Variants in RAI14 observed in about 807,000 individuals in gnomAD.
RAI14 encodes ankycorbin.
Under a neutral mutation model 115.4 loss-of-function variants are expected in RAI14, and 45 were observed. That is an observed-to-expected ratio of 0.39 (90% CI 0.31 to 0.50). RAI14 has a LOEUF of 0.50. RAI14 is among the 20% of genes least tolerant of loss of function. The probability of loss-of-function intolerance (pLI) is 0.85; values close to 1 mark genes in which losing one functional copy is unlikely to be tolerated. For missense variants in RAI14, 939 were observed against 1,131.2 expected (o/e 0.83, Z 2.44); for synonymous variants, 371 against 415.4 (o/e 0.89, Z 1.30).
rs570375493 is a variant in RAI14, at chr5:34,691,650, A to G, written c.36+4695A>G. Reference sequence around the variant, plus strand: ...GGAAATGGGGTTGAAAGATCTTTGTAACACATCTTGAGAAATGCCACTCAA... The same window carrying G: ...GGAAATGGGGTTGAAAGATCTTTGTGACACATCTTGAGAAATGCCACTCAA... On this transcript the variant is annotated intron_variant, in intron 2 of 17. Coordinates refer to ENST00000265109, the MANE Select transcript of RAI14 (RefSeq NM_015577.3). Among the ~76,000 whole-genome samples the G allele has an allele frequency of 1.1e-4, 16 of 152,312 alleles. 1 individual carries two copies. The South Asian group carries it at 3.1e-3, about 30-fold the overall frequency.
intron 2 of RAI14, among the ~76,000 whole-genome samples, chr5:34,689,681 T>C (rs1738325686): frequency 6.6e-6 from 1 of 152,128 alleles, no homozygotes; most frequent in Non-Finnish European, 1.5e-5. Flanking sequence ...GAGACCACCC[T>C]GGCCAACATG....
At chr5:34,695,114 G>A (rs1370956825) in intron 2 of RAI14, among the ~76,000 whole-genome samples, 3 of 152,098 alleles carry the variant, frequency 2.0e-5, no homozygotes, top group Non-Finnish European at 4.4e-5. Context: ...TGCCCAGGCT[G>A]GTCCTGAACT....
intron 2 of RAI14, among the ~76,000 whole-genome samples, chr5:34,726,568 A>G (rs961799154): frequency 6.6e-6 from 1 of 152,156 alleles, no homozygotes; most frequent in African/African-American, 2.4e-5. Context: ...TTGGATGGGG[A>G]CACAGAGCCA....
intron 1 of RAI14, among the ~76,000 whole-genome samples, chr5:34,664,345 A>G (rs367637412): frequency 6.7e-6 from 1 of 150,346 alleles, no homozygotes; most frequent in Non-Finnish European, 1.5e-5. Flanking sequence ...AAAAAAAAGT[A>G]TATTTATATT....
At chr5:34,816,211 G>A (rs2150276231) in intron 12 of RAI14, among the ~76,000 whole-genome samples, 1 of 152,292 alleles carries the variant, frequency 6.6e-6, no homozygotes, top group South Asian at 2.1e-4. Context: ...GAAGAAATAA[G>A]TGAAGGTTTC....
intron 12 of RAI14, 27 bp from the exon 13 acceptor site, chr5:34,818,770 C>A (rs755631878): frequency 6.3e-7 from 1 of 1,583,956 alleles, no homozygotes; most frequent in Non-Finnish European, 8.6e-7. Flanking sequence ...TAGAAATGTT[C>A]TTTAAGTCAT....
intron 1 of RAI14, among the ~76,000 whole-genome samples, chr5:34,661,393 G>A: frequency 6.6e-6 from 1 of 152,054 alleles, no homozygotes; most frequent in South Asian, 2.1e-4. Flanking sequence ...ACCCCTAGCA[G>A]GTAAACAGAT....
intron 12 of RAI14, among the ~76,000 whole-genome samples, chr5:34,818,309 C>A (rs1756480628): frequency 6.6e-6 from 1 of 152,172 alleles, no homozygotes; most frequent in East Asian, 1.9e-4. Context: ...ATTACCATTT[C>A]CCTTAGAAAA....
intron 2 of RAI14, among the ~76,000 whole-genome samples, chr5:34,711,299 T>TTTG (rs1405857072): frequency 1.3e-5 from 2 of 152,130 alleles, no homozygotes; most frequent in African/African-American, 4.8e-5. Flanking sequence ...AGAGCAATGT[T>TTTG]TTGCCGGCAG....
intron 3 of RAI14, among the ~76,000 whole-genome samples, chr5:34,772,745 AGGCTGCCACCC>A (rs1750335796): frequency 6.6e-6 from 1 of 152,118 alleles, no homozygotes; most frequent in Non-Finnish European, 1.5e-5. Context: ...TCATTCATTC[AGGCTGCCACCC>A]GGCTGCTATT....
intron 3 of RAI14, among the ~76,000 whole-genome samples, chr5:34,764,098 G>A (rs936807406): frequency 6.6e-5 from 10 of 152,126 alleles, no homozygotes; most frequent in Admixed American, 2.0e-4. Context: ...TGATCTGCCC[G>A]CCTTGGCCTC....
At chr5:34,806,938 A>T (rs142690585) in intron 5 of RAI14, among the ~76,000 whole-genome samples, 1 of 152,302 alleles carries the variant, frequency 6.6e-6, no homozygotes, top group African/African-American at 2.4e-5. Flanking sequence ...GCAAATTATC[A>T]ACTTTTTTGT....
chr5:34,749,359 A>G (rs1384998536), intron 2 of RAI14, among the ~76,000 whole-genome samples: 1 of 152,216 alleles, frequency 6.6e-6, no homozygotes, highest in African/African-American at 2.4e-5. Context: ...CCACTGGATT[A>G]TTTTGATTGA....
chr5:34,811,386 A>T (rs997989998), intron 8 of RAI14, among the ~76,000 whole-genome samples: 1 of 152,160 alleles, frequency 6.6e-6, no homozygotes, highest in African/African-American at 2.4e-5. Context: ...GTGACTTTCT[A>T]TGCAAAATAA....
intron 2 of RAI14, among the ~76,000 whole-genome samples, chr5:34,710,028 G>T (rs560316580): frequency 2.6e-5 from 4 of 152,182 alleles, no homozygotes; most frequent in African/African-American, 4.8e-5. Context: ...AATAGTTTAG[G>T]TATTAGTCCA....
intron 2 of RAI14, among the ~76,000 whole-genome samples, chr5:34,755,001 G>T (rs1747694325): frequency 6.6e-6 from 1 of 152,110 alleles, no homozygotes; most frequent in Non-Finnish European, 1.5e-5. Flanking sequence ...GTTTTAATTT[G>T]TTCAGTTTAG....
At chr5:34,724,965 T>TTGTG (rs1343334899) in intron 2 of RAI14, among the ~76,000 whole-genome samples, 1 of 152,082 alleles carries the variant, frequency 6.6e-6, no homozygotes, top group East Asian at 1.9e-4. Flanking sequence ...GTTACCAAGC[T>TTGTG]TGTGCACTCC....
At chr5:34,711,821 A>T (rs936070159) in intron 2 of RAI14, among the ~76,000 whole-genome samples, 3 of 152,258 alleles carry the variant, frequency 2.0e-5, no homozygotes, top group Admixed American at 1.3e-4. Context: ...ATTCTGTTAC[A>T]GCAGCCTGAA....
intron 2 of RAI14, among the ~76,000 whole-genome samples, chr5:34,723,752 T>G (rs1743102290): frequency 6.6e-6 from 1 of 152,230 alleles, no homozygotes; most frequent in South Asian, 2.1e-4. Flanking sequence ...ACTTAATTAT[T>G]TGAATCAACC....
Sources: allele counts gnomAD v4.1 joint callset (sites outside exome capture counted in the v4.1 genomes callset), GRCh38; gene constraint gnomAD v4.1.1; transcripts MANE v1.5; gene names NCBI Gene and HGNC (gene_info 2026-07-23, HGNC 2026-07-21).